Variants in SNX29 observed in about 807,000 individuals in gnomAD.
SNX29 encodes the protein sorting nexin 29.
SNX29 carries 78 observed loss-of-function variants against 102.1 expected under a neutral mutation model. That is an observed-to-expected ratio of 0.76 (90% CI 0.64 to 0.92). The LOEUF (loss-of-function observed/expected upper bound fraction) is 0.92, where lower values mean the gene tolerates loss of function less well. Ranked by LOEUF, SNX29 falls within the 40% of genes least tolerant of loss-of-function variation. The pLI, the probability that SNX29 is intolerant of heterozygous loss-of-function variation, is 0.00. For synonymous variants in SNX29, 580 were observed against 414.5 expected (o/e 1.40, Z -4.85); for missense variants, 1,280 against 1,061.7 (o/e 1.21, Z -2.86).
chr16:12,315,048 T>G (rs755542510), intron 15 of SNX29, among the ~76,000 whole-genome samples: 11 of 152,210 alleles, frequency 7.2e-5, no homozygotes, highest in Non-Finnish European at 1.5e-4. Context: ...TCTGCACATA[T>G]CTTAATTATG....
chr16:12,145,797 T>A (rs1322033811), intron 13 of SNX29, among the ~76,000 whole-genome samples: 1 of 152,200 alleles, frequency 6.6e-6, no homozygotes, highest in East Asian at 1.9e-4. Flanking sequence ...CTTTGTGGAG[T>A]TCTGTGTTTG....
chr16:12,358,058 A>G (rs1396565767), intron 16 of SNX29, among the ~76,000 whole-genome samples: 2 of 152,206 alleles, frequency 1.3e-5, no homozygotes, highest in Admixed American at 1.3e-4. Flanking sequence ...GCCATCTCTT[A>G]TCACTTCCTG....
At chr16:12,421,520 A>G (rs556921046) in intron 18 of SNX29, among the ~76,000 whole-genome samples, 1 of 152,364 alleles carries the variant, frequency 6.6e-6, no homozygotes, top group African/African-American at 2.4e-5. Flanking sequence ...AGGGTGTTCA[A>G]GGAAAACACT....
intron 3 of SNX29, among the ~76,000 whole-genome samples, chr16:12,006,630 T>G (rs1482484614): frequency 3.3e-5 from 5 of 152,094 alleles, no homozygotes; most frequent in East Asian, 3.9e-4. Context: ...ACCCTTTCTT[T>G]TTTTTTTTGA....
Position 12,573,441 on chromosome 16 carries a change from G to A in SNX29, c.*4812G>A, listed in dbSNP as rs545249320. The A allele has an allele frequency of 4.5e-6, 1 of 224,128 alleles. No individual in the cohort carries two copies. Among genetic ancestry groups the A allele is most frequent in the East Asian group, 6.5e-5 (1 of 15,352 alleles). 13.9% of individuals were successfully genotyped at this position (224,128 alleles called of 1,614,324 possible). A position where few individuals can be genotyped will look rare whatever the true frequency, so the allele number is the denominator to read the frequency against. On this transcript the variant is annotated 3_prime_UTR_variant, in exon 21 of 21. Transcript: ENST00000566228. ...GAAATCTGGCTTCCTTAATAAGATA[G>A]TTGAGCCTATGACATTAAGGAGCAG...
intron 13 of SNX29, among the ~76,000 whole-genome samples, chr16:12,154,058 A>G (rs2055423366): frequency 6.6e-6 from 1 of 152,120 alleles, no homozygotes; most frequent in Admixed American, 6.5e-5. Flanking sequence ...GTCCTCTTTT[A>G]TTTTTATGGA....
chr16:11,976,985 C>T, intron 1 of SNX29, 172 bp downstream of exon 1: 2 of 829,002 alleles, frequency 2.4e-6, no homozygotes, highest in Non-Finnish European at 3.2e-6. Context: ...GGCCCCTGCT[C>T]ACCTGCGGGT....
intron 11 of SNX29, among the ~76,000 whole-genome samples, chr16:12,085,329 T>C (rs1316933911): frequency 6.6e-6 from 1 of 152,212 alleles, no homozygotes; most frequent in Non-Finnish European, 1.5e-5. Context: ...TTCTCCACTC[T>C]TCTTCCCTTT....
chr16:12,151,798 C>T (rs1453772015), intron 13 of SNX29, among the ~76,000 whole-genome samples: 1 of 152,168 alleles, frequency 6.6e-6, no homozygotes, highest in African/African-American at 2.4e-5. Flanking sequence ...TGCAGTGGCA[C>T]GATCTCGTCT....
chr16:12,463,799 C>A (rs575554963), intron 18 of SNX29, among the ~76,000 whole-genome samples: 4 of 150,506 alleles, frequency 2.7e-5, no homozygotes, highest in African/African-American at 9.8e-5. Flanking sequence ...ATTAACATAT[C>A]CACCACCTCC....
chr16:11,999,456 C>T, intron 2 of SNX29, 98 bp downstream of exon 2: 1 of 1,142,048 alleles, frequency 8.8e-7, no homozygotes, highest in South Asian at 1.4e-5. Flanking sequence ...GACTAACTCC[C>T]ACTTTATACC....
chr16:12,180,835 G>A (rs779170344), intron 13 of SNX29, among the ~76,000 whole-genome samples: 15 of 152,160 alleles, frequency 9.9e-5, no homozygotes, highest in Non-Finnish European at 1.8e-4. Flanking sequence ...GGAGAGAGGC[G>A]TGGTAGAGGG....
chr16:12,048,234 G>T (rs1277897972), intron 6 of SNX29, 138 bp from the exon 7 acceptor site: 5 of 1,256,896 alleles, frequency 4.0e-6, no homozygotes, highest in Admixed American at 3.4e-5. Context: ...TGCAACGTCC[G>T]CATGGGAGGT....
chr16:12,000,772 G>C (rs2056259494), intron 2 of SNX29, among the ~76,000 whole-genome samples: 1 of 152,158 alleles, frequency 6.6e-6, no homozygotes. Context: ...GAAGGTCACA[G>C]GCTTTTGGCT....
chr16:12,534,260 C>T (rs755585378), intron 20 of SNX29, among the ~76,000 whole-genome samples: 23 of 152,228 alleles, frequency 1.5e-4, no homozygotes, highest in Non-Finnish European at 2.9e-4. Flanking sequence ...AGTGCCCAAG[C>T]ACCGCCGGCA....
intron 20 of SNX29, among the ~76,000 whole-genome samples, chr16:12,560,601 CAGCA>C (rs1425844665): frequency 6.6e-6 from 1 of 152,182 alleles, no homozygotes; most frequent in Non-Finnish European, 1.5e-5. Flanking sequence ...TCTCATAAAG[CAGCA>C]AGCAACAGCT....
intron 18 of SNX29, among the ~76,000 whole-genome samples, chr16:12,430,206 C>G (rs567257206): frequency 2.6e-5 from 4 of 152,228 alleles, no homozygotes; most frequent in East Asian, 1.9e-4. Context: ...GTTCCCCCCC[C>G]AGCCCCAGTC....
intron 20 of SNX29, among the ~76,000 whole-genome samples, chr16:12,548,110 A>G (rs550954879): frequency 4.0e-4 from 61 of 152,312 alleles, no homozygotes; most frequent in African/African-American, 1.3e-3. Flanking sequence ...ATTGAGGTCT[A>G]TTTCTTGGGA....
rs192915750 is a variant in SNX29 at position 12,160,358 on chromosome 16, C to G, written c.1595+30600C>G. 1.7e-3 allele frequency among the ~76,000 whole-genome samples: 264 copies of G among 152,338 alleles called. 1 individual carries two copies. The highest frequency in any genetic ancestry group is 6.0e-3 in the African/African-American group (251 of 41,572). On this transcript the variant is annotated intron_variant, in intron 13 of 20. Transcript: ENST00000566228. ...TCTTTCAGCCCTCTGAGTCTATCCC[C>G]TTGGTTACATAGCAGAGAGGCTTAT... is the stretch of plus-strand genomic sequence containing the variant.
Sources: allele counts gnomAD v4.1 joint callset (sites outside exome capture counted in the v4.1 genomes callset), GRCh38; gene constraint gnomAD v4.1.1; transcripts MANE v1.5; gene names NCBI Gene and HGNC (gene_info 2026-07-23, HGNC 2026-07-21).